Variants in TPD52 observed in about 807,000 individuals in gnomAD.
TPD52 encodes prostate and colon associated protein.
Under a neutral mutation model 31.3 loss-of-function variants are expected in TPD52, and 17 were observed. The observed-to-expected ratio is 0.54, with a 90% CI of 0.37 to 0.82. TPD52 has a LOEUF of 0.82. Among genes scored for constraint, TPD52 ranks in the 40% least tolerant of loss-of-function variants. The pLI is 0.00. For missense variants in TPD52, 212 were observed against 240.1 expected, an observed-to-expected ratio of 0.88 and a Z score of 0.77; for synonymous variants, 83 against 89.6, an observed-to-expected ratio of 0.93 and a Z score of 0.42.
chr8:80,099,563 T>C (rs186291441), intron 1 of TPD52, among the ~76,000 whole-genome samples: 2 of 150,386 alleles, frequency 1.3e-5, no homozygotes, highest in African/African-American at 4.9e-5. Flanking sequence ...CAGGCTGAAG[T>C]GCAGTGGTGT....
chr8:80,052,360 A>C (rs1335654466), intron 3 of TPD52, among the ~76,000 whole-genome samples: 3 of 152,248 alleles, frequency 2.0e-5, no homozygotes, highest in African/African-American at 7.2e-5. Flanking sequence ...CGTACCTACC[A>C]AAACAATTCC....
chr8:80,127,935 G>A (rs1808744705), intron 1 of TPD52, among the ~76,000 whole-genome samples: 1 of 151,536 alleles, frequency 6.6e-6, no homozygotes, highest in Non-Finnish European at 1.5e-5. Context: ...AGATAGCAAT[G>A]GTTTTGTTTT....
At chr8:80,091,912 A>C (rs1296814105) in intron 1 of TPD52, among the ~76,000 whole-genome samples, 1 of 152,234 alleles carries the variant, frequency 6.6e-6, no homozygotes, top group African/African-American at 2.4e-5. Context: ...TGAGGATGAA[A>C]GCTTGAGTAA....
At chr8:80,170,042 T>G (rs1308109976) in intron 1 of TPD52, among the ~76,000 whole-genome samples, 1 of 152,310 alleles carries the variant, frequency 6.6e-6, no homozygotes, top group East Asian at 1.9e-4. Context: ...TAAGCACTTG[T>G]GTTAAGTCTG....
chr8:80,050,158 T>C (rs1302489293), intron 5 of TPD52, among the ~76,000 whole-genome samples: 2 of 152,176 alleles, frequency 1.3e-5, no homozygotes, highest in Non-Finnish European at 2.9e-5. Flanking sequence ...CATGCCATGG[T>C]AAAGCTGCTT....
rs1811020003 is a variant in TPD52 at position 80,157,050 on chromosome 8, G to A, written c.19+14375C>T. 2.0e-5 allele frequency among the ~76,000 whole-genome samples: 3 copies of A among 152,148 alleles called. No individual in the cohort carries two copies. The South Asian group carries it at 6.2e-4, about 32-fold the overall frequency. Reference sequence around the variant, plus strand: ...ATACCAAGTCTAACCAGTGATTTGAGGTTCCCGCTCCACTTTGGATTGGAG... The same window carrying A: ...ATACCAAGTCTAACCAGTGATTTGAAGTTCCCGCTCCACTTTGGATTGGAG... On this transcript the variant is annotated intron_variant, in intron 1 of 7. Transcript: ENST00000518937.
At chr8:80,045,600 G>A (rs73259822) in intron 5 of TPD52, among the ~76,000 whole-genome samples, 152 of 152,304 alleles carry the variant, frequency 1.0e-3, no homozygotes, top group African/African-American at 2.6e-3. Flanking sequence ...AGAAAGAATC[G>A]AATATAAGCA....
At chr8:80,137,748 T>C (rs1481076768) in intron 1 of TPD52, among the ~76,000 whole-genome samples, 3 of 152,152 alleles carry the variant, frequency 2.0e-5, no homozygotes, top group Admixed American at 1.3e-4. Flanking sequence ...CTAGTTCATA[T>C]TGTTCTTTGA....
chr8:80,071,640 G>A (rs1490325940), intron 1 of TPD52, among the ~76,000 whole-genome samples: 1 of 151,976 alleles, frequency 6.6e-6, no homozygotes, highest in African/African-American at 2.4e-5. Flanking sequence ...ACCTCTCTGA[G>A]ACGTCATGGC....
chr8:80,063,654 G>C (rs1242607928), intron 2 of TPD52, among the ~76,000 whole-genome samples: 2 of 151,702 alleles, frequency 1.3e-5, no homozygotes, highest in Non-Finnish European at 2.9e-5. Context: ...AAAATTAGCT[G>C]AGCACAGTGG....
At chr8:80,152,588 C>T (rs1399120823) in intron 1 of TPD52, among the ~76,000 whole-genome samples, 4 of 151,958 alleles carry the variant, frequency 2.6e-5, no homozygotes, top group African/African-American at 9.7e-5. Flanking sequence ...CGAGACCAGC[C>T]GGGTCAACAT....
intron 2 of TPD52, among the ~76,000 whole-genome samples, chr8:80,057,103 G>T (rs1307266174): frequency 6.6e-6 from 1 of 152,160 alleles, no homozygotes; most frequent in Non-Finnish European, 1.5e-5. Flanking sequence ...AGGAGGCAGA[G>T]GTTGCAGTGA....
chr8:80,042,429 C>T (rs1034888354), intron 7 of TPD52, 191 bp downstream of exon 7: 1 of 985,450 alleles, frequency 1.0e-6, no homozygotes, highest in Non-Finnish European at 1.2e-6. Context: ...TGCTGCCACA[C>T]TACAGCATAC....
intron 1 of TPD52, among the ~76,000 whole-genome samples, chr8:80,142,154 C>G (rs547586582): frequency 1.3e-5 from 2 of 152,270 alleles, no homozygotes; most frequent in South Asian, 4.2e-4. Context: ...CAGTCTCTAA[C>G]AGTGACGTTA....
chr8:80,112,776 C>A (rs570970735), intron 1 of TPD52, among the ~76,000 whole-genome samples: 1 of 152,246 alleles, frequency 6.6e-6, no homozygotes, highest in Non-Finnish European at 1.5e-5. Context: ...AATATTCGAC[C>A]TGGCTTTCTA....
At chr8:80,087,359 G>A (rs1378515492) in intron 1 of TPD52, among the ~76,000 whole-genome samples, 1 of 152,156 alleles carries the variant, frequency 6.6e-6, no homozygotes, top group Non-Finnish European at 1.5e-5. Context: ...TCATAAAAAG[G>A]AACAAGAGCA....
intron 5 of TPD52, among the ~76,000 whole-genome samples, chr8:80,049,969 A>C (rs574268716): frequency 1.5e-4 from 23 of 152,270 alleles, no homozygotes; most frequent in African/African-American, 2.6e-4. Context: ...ACAACAACAA[A>C]AAAAAAGGTA....
chr8:80,090,804 T>C (rs1294914884), intron 1 of TPD52, among the ~76,000 whole-genome samples: 2 of 152,222 alleles, frequency 1.3e-5, no homozygotes, highest in South Asian at 2.1e-4. Context: ...TAAATGTAAA[T>C]ACTCTTAAGT....
chr8:80,135,259 G>T (rs1809308585), intron 1 of TPD52, among the ~76,000 whole-genome samples: 1 of 152,160 alleles, frequency 6.6e-6, no homozygotes, highest in Admixed American at 6.5e-5. Context: ...TCCTTATTTA[G>T]AACATTTGAA....
Sources: allele counts gnomAD v4.1 joint callset (sites outside exome capture counted in the v4.1 genomes callset), GRCh38; gene constraint gnomAD v4.1.1; transcripts MANE v1.5; gene names NCBI Gene and HGNC (gene_info 2026-07-23, HGNC 2026-07-21).